ELF2: variants seen among roughly 807,000 people sequenced by gnomAD.
ELF2 encodes the protein E74 like ETS transcription factor 2, also known as ETS-related transcription factor Elf-2.
Under a neutral mutation model 54.8 loss-of-function variants are expected in ELF2, and 11 were observed. The ratio of observed to expected loss-of-function variants is 0.20; its 90% CI spans 0.13 to 0.33. ELF2 has a LOEUF of 0.33. Among genes scored for constraint, ELF2 ranks in the 10% least tolerant of loss-of-function variants. The pLI, the probability that ELF2 is intolerant of heterozygous loss-of-function variation, is 1.00. For missense variants in ELF2, 513 were observed against 703.0 expected (o/e 0.73, Z 3.06); for synonymous variants, 203 against 245.1 (o/e 0.83, Z 1.61).
intron 1 of ELF2, among the ~76,000 whole-genome samples, chr4:139,160,547 C>T (rs1424156699): frequency 1.3e-5 from 2 of 152,120 alleles, no homozygotes; most frequent in Non-Finnish European, 2.9e-5. Flanking sequence ...TAAATTTCAA[C>T]CCCACAGCAA....
chr4:139,142,855 A>C (rs1560860899), intron 1 of ELF2, among the ~76,000 whole-genome samples: 1 of 148,270 alleles, frequency 6.7e-6, no homozygotes, highest in Non-Finnish European at 1.5e-5. Flanking sequence ...CGACAGAGTG[A>C]GACCTTGTCT....
chr4:139,166,112 C>A (rs893126744), intron 1 of ELF2, among the ~76,000 whole-genome samples: 8 of 152,190 alleles, frequency 5.3e-5, no homozygotes, highest in African/African-American at 1.9e-4. Context: ...CCGAGACGGG[C>A]GGATCACCTG....
chr4:139,138,365 C>T (rs1738387073), intron 2 of ELF2, among the ~76,000 whole-genome samples: 1 of 150,998 alleles, frequency 6.6e-6, no homozygotes, highest in African/African-American at 2.4e-5. Flanking sequence ...TGCAGTAAGC[C>T]AAGATGGCGC....
At chr4:139,116,828 A>G in intron 4 of ELF2, 1 of 624,450 alleles carries the variant, frequency 1.6e-6, no homozygotes, top group Non-Finnish European at 2.0e-6. Context: ...AACAAATACA[A>G]AAGTTATGAC....
At chr4:139,098,933 CTTGAT>C (rs769940589) in intron 4 of ELF2, among the ~76,000 whole-genome samples, 17 of 152,144 alleles carry the variant, frequency 1.1e-4, no homozygotes, top group Non-Finnish European at 2.2e-4. Context: ...CTTCTACTAT[CTTGAT>C]TTATTATTTC....
intron 4 of ELF2, among the ~76,000 whole-genome samples, chr4:139,106,203 G>A (rs970255331): frequency 5.3e-5 from 8 of 151,902 alleles, no homozygotes; most frequent in Admixed American, 2.6e-4. Context: ...CTCCATTAAC[G>A]AATATGAAAA....
At chr4:139,098,616 C>A (rs11938386) in intron 4 of ELF2, among the ~76,000 whole-genome samples, 97,291 of 151,746 alleles carry the variant, frequency 0.64, 32,098 homozygotes, top group Admixed American at 0.75. Flanking sequence ...CTACAGGCGC[C>A]TGCCACCGCG....
intron 8 of ELF2, among the ~76,000 whole-genome samples, chr4:139,061,474 CAAACTGATA>C (rs1197583873): frequency 1.3e-5 from 2 of 152,140 alleles, no homozygotes; most frequent in African/African-American, 2.4e-5. Context: ...CATGCCCAGC[CAAACTGATA>C]AAACTTAAGA....
At chr4:139,117,460 G>A (rs533934704) in intron 4 of ELF2, among the ~76,000 whole-genome samples, 43 of 152,280 alleles carry the variant, frequency 2.8e-4, no homozygotes, top group Non-Finnish European at 4.0e-4. Flanking sequence ...TTGGGAGGCT[G>A]AGGCAGGCAG....
intron 4 of ELF2, among the ~76,000 whole-genome samples, chr4:139,085,471 AT>A (rs1731879672): frequency 6.6e-6 from 1 of 152,206 alleles, no homozygotes; most frequent in Non-Finnish European, 1.5e-5. Flanking sequence ...AGAGAAAAAA[AT>A]GTTTTCAGTG....
Position 139,071,815 on chromosome 4 carries a change from T to TA in ELF2, c.526+50dup, listed in dbSNP as rs1280584856. On this transcript the variant is annotated intron_variant, in intron 6 of 9. Transcript: ENST00000686138. ...CTATGTCCCTTGATGAGGAAAAAGATAAGAGAAAAATTTTCACCTGCCTTC... is the reference window on the plus strand; with the variant it reads ...CTATGTCCCTTGATGAGGAAAAAGATAAAGAGAAAAATTTTCACCTGCCTTC... 15 of 1,525,964 alleles carry TA rather than the reference T, an allele frequency of 9.8e-6. No homozygotes were observed. In the East Asian group the frequency reaches 2.7e-4, roughly 28 times the overall value. 94.5% of individuals were successfully genotyped at this position (1,525,964 alleles called of 1,614,324 possible).
At chr4:139,148,332 T>A in intron 1 of ELF2, among the ~76,000 whole-genome samples, 1 of 130,314 alleles carries the variant, frequency 7.7e-6, no homozygotes, top group East Asian at 2.3e-4. Context: ...TTTTTTTTTT[T>A]TTTTTTTTTT....
At position 139,125,207 on chromosome 4, in the gene ELF2, A is replaced by T. The variant is rs1736794296; in HGVS notation, c.195T>A (p.Asp65Glu). 3 of 1,613,270 alleles carry T rather than the reference A, an allele frequency of 1.9e-6. No homozygotes were observed. The highest frequency in any genetic ancestry group is 1.7e-5 in the Admixed American group (1 of 59,770). ...TCTCAACTTCTTGTTCTTCTGCCAC[A>T]TCTTGCATCATATAAGTCTCATCAT... Reference protein sequence around the residue: ...VYDDETYMMQDVAEEQEVETE... With the variant: ...VYDDETYMMQEVAEEQEVETE... Residue 65 changes from aspartate (D) to glutamate (E), a missense_variant, in exon 4 of 10, where the codon GAT becomes GAA. Asp to Glu is a conservative substitution (Grantham distance 45). This residue lies in a region of ELF2 where 203 missense variants were observed against 245.9 expected (regional missense o/e 0.83). Coordinates refer to ENST00000686138, the MANE Select transcript of ELF2 (RefSeq NM_001331036.3).
chr4:139,088,482 C>T (rs1438577554), intron 4 of ELF2, among the ~76,000 whole-genome samples: 3 of 152,164 alleles, frequency 2.0e-5, no homozygotes, highest in Non-Finnish European at 4.4e-5. Context: ...GACCTCTTCT[C>T]AGTCTCCATC....
intron 1 of ELF2, among the ~76,000 whole-genome samples, chr4:139,156,990 T>C (rs531347911): frequency 3.0e-4 from 46 of 152,328 alleles, no homozygotes; most frequent in African/African-American, 1.0e-3. Context: ...CATTGCTTAA[T>C]GGCAGAAATA....
intron 1 of ELF2, among the ~76,000 whole-genome samples, chr4:139,156,122 ACT>A (rs1456939849): frequency 6.6e-6 from 1 of 152,116 alleles, no homozygotes; most frequent in Admixed American, 6.5e-5. Context: ...TGGCCTTGAC[ACT>A]GAGTTATCCA....
chr4:139,093,042 T>C (rs1316682685), intron 4 of ELF2, among the ~76,000 whole-genome samples: 2 of 150,242 alleles, frequency 1.3e-5, no homozygotes, highest in Admixed American at 6.6e-5. Context: ...CTCGGCTCAC[T>C]GCAAGCTCCG....
chr4:139,157,382 G>A (rs1740653721), intron 1 of ELF2, among the ~76,000 whole-genome samples: 1 of 151,912 alleles, frequency 6.6e-6, no homozygotes, highest in South Asian at 2.1e-4. Context: ...TAGATAACTT[G>A]TGACATCATC....
chr4:139,143,205 G>A (rs1738887579), intron 1 of ELF2, among the ~76,000 whole-genome samples: 1 of 152,170 alleles, frequency 6.6e-6, no homozygotes, highest in Non-Finnish European at 1.5e-5. Flanking sequence ...CAACTCGAGG[G>A]TAGACAGCTG....
Sources: allele counts gnomAD v4.1 joint callset (sites outside exome capture counted in the v4.1 genomes callset), GRCh38; gene constraint gnomAD v4.1.1; regional missense constraint gnomAD v4.1.1; transcripts MANE v1.5; gene names NCBI Gene and HGNC (gene_info 2026-07-23, HGNC 2026-07-21).